MAML3: variants seen among roughly 807,000 people sequenced by gnomAD.
MAML3 encodes the protein mastermind-like protein 3.
In MAML3, 27 loss-of-function variants were observed where a neutral mutation model predicts 101.9. That is an observed-to-expected ratio of 0.27 (90% CI 0.20 to 0.37). The LOEUF (loss-of-function observed/expected upper bound fraction) is 0.37. Among genes scored for constraint, MAML3 ranks in the 10% least tolerant of loss-of-function variants. The probability of loss-of-function intolerance (pLI) is 1.00; values close to 1 mark genes in which losing one functional copy is unlikely to be tolerated. For missense variants in MAML3, 1,316 were observed against 1,444.9 expected (o/e 0.91, Z 1.45); for synonymous variants, 501 against 555.9 (o/e 0.90, Z 1.39).
intron 1 of MAML3, among the ~76,000 whole-genome samples, chr4:139,930,070 C>T (rs1037063360): frequency 6.6e-6 from 1 of 152,198 alleles, no homozygotes; most frequent in Non-Finnish European, 1.5e-5. Flanking sequence ...GCCCCAAAGG[C>T]TCTCACAGAA....
intron 1 of MAML3, among the ~76,000 whole-genome samples, chr4:140,151,219 G>A (rs1190798642): frequency 2.0e-5 from 3 of 152,128 alleles, no homozygotes; most frequent in Non-Finnish European, 4.4e-5. Context: ...AGGAAGGGGA[G>A]GGGGAGGAGG....
intron 1 of MAML3, among the ~76,000 whole-genome samples, chr4:140,083,590 C>T (rs1347374429): frequency 6.6e-6 from 1 of 152,202 alleles, no homozygotes; most frequent in Admixed American, 6.5e-5. Context: ...CTTTTCCTAA[C>T]ATGCAGGTCT....
intron 2 of MAML3, chr4:139,888,641 AAGG>A (rs755390623): frequency 1.9e-4 from 98 of 519,062 alleles, no homozygotes; most frequent in Middle Eastern, 9.5e-4. Context: ...ACCTCCCATG[AAGG>A]AGGACAGTGG....
At chr4:139,976,813 C>T (rs1414332292) in intron 1 of MAML3, among the ~76,000 whole-genome samples, 1 of 152,162 alleles carries the variant, frequency 6.6e-6, no homozygotes, top group Non-Finnish European at 1.5e-5. Flanking sequence ...ATCAGTGGTT[C>T]TCAACTAGGG....
intron 1 of MAML3, among the ~76,000 whole-genome samples, chr4:139,973,154 T>G (rs1286053896): frequency 1.3e-5 from 2 of 152,210 alleles, no homozygotes; most frequent in African/African-American, 4.8e-5. Flanking sequence ...TCATCCTTCT[T>G]CTTAGCATAG....
chr4:140,023,442 T>G (rs1317131215), intron 1 of MAML3, among the ~76,000 whole-genome samples: 3 of 152,200 alleles, frequency 2.0e-5, no homozygotes, highest in Non-Finnish European at 4.4e-5. Flanking sequence ...GCGACTTCCA[T>G]CACCCAGGAG....
intron 2 of MAML3, among the ~76,000 whole-genome samples, chr4:139,773,720 G>A (rs1730039681): frequency 1.3e-5 from 2 of 152,150 alleles, no homozygotes; most frequent in African/African-American, 4.8e-5. Context: ...GTGAATCTGT[G>A]GAGTCTGAAT....
chr4:139,777,921 T>C (rs529377113), intron 2 of MAML3, among the ~76,000 whole-genome samples: 1 of 152,344 alleles, frequency 6.6e-6, no homozygotes, highest in Admixed American at 6.5e-5. Flanking sequence ...TTTGCTCTCT[T>C]TGTGCCAGCT....
chr4:139,930,528 T>C (rs952396806), intron 1 of MAML3, among the ~76,000 whole-genome samples: 1 of 152,122 alleles, frequency 6.6e-6, no homozygotes, highest in African/African-American at 2.4e-5. Context: ...AACATCTTTA[T>C]AAATTAAAGG....
chr4:140,119,605 C>T (rs55859572), intron 1 of MAML3, among the ~76,000 whole-genome samples: 10 of 108,530 alleles, frequency 9.2e-5, no homozygotes, highest in South Asian at 3.2e-4. Flanking sequence ...CTCCCTCCCT[C>T]CCTCCCTTCC....
intron 2 of MAML3, among the ~76,000 whole-genome samples, chr4:139,774,516 A>G (rs1730056924): frequency 6.6e-6 from 1 of 152,230 alleles, no homozygotes; most frequent in Non-Finnish European, 1.5e-5. Flanking sequence ...CCCACTTCTA[A>G]GAGTAGTAGC....
chr4:140,069,022 C>T (rs529968504), intron 1 of MAML3, among the ~76,000 whole-genome samples: 1 of 152,226 alleles, frequency 6.6e-6, no homozygotes, highest in Non-Finnish European at 1.5e-5. Flanking sequence ...TCTTTATATT[C>T]TGAAAAAGGT....
At chr4:139,769,695 A>G (rs2111065705) in intron 2 of MAML3, among the ~76,000 whole-genome samples, 1 of 151,940 alleles carries the variant, frequency 6.6e-6, no homozygotes, top group South Asian at 2.1e-4. Flanking sequence ...GGCTCACCAC[A>G]ACCTCCGCCT....
Position 139,859,227 on chromosome 4 carries a change from A to ATTTTTT in MAML3, c.2079+30124_2079+30129dup, listed in dbSNP as rs61061197. 3.0e-5 allele frequency among the ~76,000 whole-genome samples: 4 copies of ATTTTTT among 135,524 alleles called. No individual in the cohort carries two copies. The Middle Eastern group carries it at 0.012, about 394-fold the overall frequency. The allele number at this position is 135,524 out of a possible 152,430, so 88.9% of individuals were successfully genotyped here. On this transcript the variant is annotated intron_variant, in intron 2 of 4. Transcript: ENST00000509479. ...CCAACATTAGCAGAGGTTCTACTAC[A>ATTTTTT]TTTTTTTTTTTTTTTTTGAGACAGG...
Position 139,729,557 on chromosome 4 carries a change from A to G in MAML3, c.2331+859T>C, listed in dbSNP as rs529215669. Among the ~76,000 whole-genome samples the G allele has an allele frequency of 5.3e-5, 8 of 152,198 alleles. No homozygotes were observed. In the South Asian group the frequency reaches 1.0e-3, roughly 20 times the overall value. On this transcript the variant is annotated intron_variant, in intron 3 of 4. Coordinates refer to ENST00000509479, the MANE Select transcript of MAML3 (RefSeq NM_018717.5). ...GTTGGGCCTTCAGCTTTATATGACA[A>G]CCTCACACCTCCTATAAGAAAGAGC...
chr4:139,742,059 G>A (rs1467784736), intron 2 of MAML3, among the ~76,000 whole-genome samples: 3 of 151,846 alleles, frequency 2.0e-5, no homozygotes, highest in East Asian at 1.9e-4. Context: ...TTGACTCCAC[G>A]CCACACATAC....
At chr4:140,074,284 G>T (rs536006265) in intron 1 of MAML3, among the ~76,000 whole-genome samples, 2 of 151,478 alleles carry the variant, frequency 1.3e-5, no homozygotes, top group South Asian at 4.2e-4. Context: ...CTATGAGGGA[G>T]AGGGTCATTA....
chr4:139,924,933 G>T (rs1243986614), intron 1 of MAML3, among the ~76,000 whole-genome samples: 1 of 151,976 alleles, frequency 6.6e-6, no homozygotes, highest in Non-Finnish European at 1.5e-5. Context: ...CATTACTGAT[G>T]ATGGAAAAAC....
chr4:139,843,679 T>G (rs1731398487), intron 2 of MAML3, among the ~76,000 whole-genome samples: 1 of 152,266 alleles, frequency 6.6e-6, no homozygotes, highest in Admixed American at 6.5e-5. Flanking sequence ...AAATGACTCC[T>G]GAAGTATCTT....
Sources: gnomAD v4.1 joint callset for allele counts (sites outside exome capture counted in the v4.1 genomes callset) on GRCh38, gnomAD v4.1.1 for gene constraint, MANE v1.5 for transcripts, NCBI Gene and HGNC (gene_info 2026-07-23, HGNC 2026-07-21) for gene names.